Variants in CDH13 observed in about 807,000 individuals in gnomAD.
CDH13 encodes the protein cadherin 13.
Under a neutral mutation model 63.8 loss-of-function variants are expected in CDH13, and 24 were observed. The observed-to-expected ratio is 0.38, with a 90% CI of 0.27 to 0.53. The LOEUF is 0.53. Among genes scored for constraint, CDH13 ranks in the 20% least tolerant of loss-of-function variants. CDH13 has a pLI of 0.85. For synonymous variants in CDH13, 503 were observed against 355.3 expected (o/e 1.42, Z -4.67); for missense variants, 1,049 against 903.1 (o/e 1.16, Z -2.07).
intron 2 of CDH13, among the ~76,000 whole-genome samples, chr16:82,967,086 T>G (rs1472835522): frequency 6.6e-6 from 1 of 152,194 alleles, no homozygotes; most frequent in African/African-American, 2.4e-5. Context: ...CATGACATAG[T>G]TGAAGATTAT....
intron 5 of CDH13, among the ~76,000 whole-genome samples, chr16:83,332,993 T>G (rs772224558): frequency 2.0e-5 from 3 of 152,168 alleles, no homozygotes; most frequent in Non-Finnish European, 4.4e-5. Flanking sequence ...CAAAGAACAT[T>G]TGATAATAGT....
intron 2 of CDH13, among the ~76,000 whole-genome samples, chr16:83,003,253 T>C (rs1913124184): frequency 6.6e-6 from 1 of 152,182 alleles, no homozygotes; most frequent in African/African-American, 2.4e-5. Context: ...TCTTGGGCGG[T>C]GAGAGGACTG....
At chr16:83,112,770 T>G (rs1435748064) in intron 3 of CDH13, among the ~76,000 whole-genome samples, 2 of 152,212 alleles carry the variant, frequency 1.3e-5, no homozygotes, top group Non-Finnish European at 2.9e-5. Flanking sequence ...TCTGTACCTT[T>G]TTCTTTAGCA....
At chr16:83,419,712 A>G (rs1360823998) in intron 6 of CDH13, among the ~76,000 whole-genome samples, 2 of 152,244 alleles carry the variant, frequency 1.3e-5, no homozygotes, top group African/African-American at 2.4e-5. Flanking sequence ...AGTTGCCCCA[A>G]GGCATTCCCA....
intron 6 of CDH13, among the ~76,000 whole-genome samples, chr16:83,417,520 T>C (rs995612371): frequency 2.6e-5 from 4 of 152,198 alleles, no homozygotes; most frequent in African/African-American, 9.7e-5. Flanking sequence ...CAATTTATCC[T>C]GCTCACTGAC....
intron 2 of CDH13, among the ~76,000 whole-genome samples, chr16:83,023,946 A>G (rs1057474818): frequency 1.3e-5 from 2 of 152,214 alleles, no homozygotes; most frequent in African/African-American, 4.8e-5. Context: ...TGTCCTTTAG[A>G]TATTGCCAAA....
chr16:82,873,469 T>G (rs1393255610), intron 2 of CDH13, among the ~76,000 whole-genome samples: 1 of 152,186 alleles, frequency 6.6e-6, no homozygotes, highest in Non-Finnish European at 1.5e-5. Flanking sequence ...TCATTGCCTC[T>G]GAGAACAGAC....
At chr16:83,433,253 A>AT (rs1244093434) in intron 6 of CDH13, among the ~76,000 whole-genome samples, 2 of 152,194 alleles carry the variant, frequency 1.3e-5, no homozygotes, top group African/African-American at 4.8e-5. Flanking sequence ...GTCCATGACT[A>AT]TTTGCTTACC....
intron 10 of CDH13, among the ~76,000 whole-genome samples, chr16:83,733,301 G>A (rs754780179): frequency 2.6e-5 from 4 of 152,192 alleles, no homozygotes; most frequent in Non-Finnish European, 4.4e-5. Context: ...AGCGCACACT[G>A]GACTCGTGCT....
chr16:82,982,275 A>T (rs1597352662), intron 2 of CDH13, among the ~76,000 whole-genome samples: 2 of 152,104 alleles, frequency 1.3e-5, no homozygotes, highest in East Asian at 3.8e-4. Context: ...AAATAATAAG[A>T]TGTTATTTAT....
At chr16:82,915,328 T>A (rs1352143336) in intron 2 of CDH13, among the ~76,000 whole-genome samples, 1 of 152,192 alleles carries the variant, frequency 6.6e-6, no homozygotes, top group Non-Finnish European at 1.5e-5. Context: ...GTGACAGTGG[T>A]TCTCTGGGTA....
intron 1 of CDH13, among the ~76,000 whole-genome samples, chr16:82,687,277 T>A (rs551188623): frequency 6.6e-6 from 1 of 152,296 alleles, no homozygotes; most frequent in African/African-American, 2.4e-5. Flanking sequence ...TCTTAACTTC[T>A]GGGATACTGG....
intron 1 of CDH13, among the ~76,000 whole-genome samples, chr16:82,736,359 C>T (rs1225797137): frequency 6.6e-6 from 1 of 152,184 alleles, no homozygotes; most frequent in Admixed American, 6.5e-5. Context: ...AACAGAACTT[C>T]TTAAAGGTTG....
intron 8 of CDH13, among the ~76,000 whole-genome samples, chr16:83,648,806 T>G (rs1912083338): frequency 1.3e-5 from 2 of 152,272 alleles, no homozygotes; most frequent in South Asian, 4.1e-4. Context: ...CTTCCTTATC[T>G]ATCCCCCTTT....
intron 6 of CDH13, among the ~76,000 whole-genome samples, chr16:83,445,797 G>T (rs1263945887): frequency 6.6e-6 from 1 of 152,150 alleles, no homozygotes; most frequent in South Asian, 2.1e-4. Context: ...GAAGTGTTTA[G>T]CTTGGAAATA....
At chr16:83,235,840 C>A (rs531103539) in intron 5 of CDH13, among the ~76,000 whole-genome samples, 1 of 152,152 alleles carries the variant, frequency 6.6e-6, no homozygotes, top group Admixed American at 6.5e-5. Flanking sequence ...CTCAAAGACA[C>A]TTTTTTCTTT....
chr16:83,417,018 T>C (rs1489688468), intron 6 of CDH13, among the ~76,000 whole-genome samples: 1 of 152,194 alleles, frequency 6.6e-6, no homozygotes, highest in Non-Finnish European at 1.5e-5. Flanking sequence ...TTGACAACCT[T>C]TTCTGAATAT....
In CDH13 at chr16:83,055,722, A is replaced by C. The variant is rs192061498; in HGVS notation, c.366+23504A>C. Among the ~76,000 whole-genome samples the C allele has an allele frequency of 6.9e-4, 105 of 152,234 alleles. 1 individual carries two copies. Among genetic ancestry groups the C allele is most frequent in the South Asian group, 2.9e-3 (14 of 4,828 alleles). On this transcript the variant is annotated intron_variant, in intron 3 of 13. Coordinates refer to ENST00000567109, the MANE Select transcript of CDH13 (RefSeq NM_001257.5). ...CAAACTCTTCTGTAAAATAGAAAAA[A>C]AATGAAACGCTTTCCAGCTTCTTTC...
chr16:83,751,421 C>A (rs1231798105), intron 11 of CDH13, among the ~76,000 whole-genome samples: 1 of 145,352 alleles, frequency 6.9e-6, no homozygotes, highest in Admixed American at 7.0e-5. Flanking sequence ...ATGGCAAAAC[C>A]CCATCTCTAC....
Sources: gnomAD v4.1 joint callset for allele counts (sites outside exome capture counted in the v4.1 genomes callset) on GRCh38, gnomAD v4.1.1 for gene constraint, MANE v1.5 for transcripts, NCBI Gene and HGNC (gene_info 2026-07-23, HGNC 2026-07-21) for gene names.